SEC16B: variants seen among roughly 807,000 people sequenced by gnomAD.
The protein encoded by SEC16B is SEC16 homolog B, endoplasmic reticulum export factor, also known as protein transport protein Sec16B.
A neutral mutation model predicts 141.8 loss-of-function variants in SEC16B; 115 were observed. The ratio of observed to expected loss-of-function variants is 0.81; its 90% CI spans 0.70 to 0.95. The LOEUF is 0.95. Ranked by LOEUF, SEC16B falls within the 40% of genes least tolerant of loss-of-function variation. The pLI is 0.00. For missense variants in SEC16B, 1,291 were observed against 1,312.3 expected (o/e 0.98, Z 0.25); for synonymous variants, 493 against 492.5 (o/e 1.00, Z -0.01).
chr1:177,958,722 G>T (rs375624132), intron 9 of SEC16B, 118 bp downstream of exon 9: 3 of 1,297,194 alleles, frequency 2.3e-6, no homozygotes, highest in African/African-American at 1.5e-5. Flanking sequence ...TTCCCTTGGG[G>T]CAATTTGTGG....
At position 177,956,910 on chromosome 1, in the gene SEC16B, G is replaced by T. The variant is rs539702385; in HGVS notation, c.1365+1222C>A. On this transcript the variant is annotated intron_variant, in intron 10 of 25. Coordinates refer to ENST00000308284, the MANE Select transcript of SEC16B (RefSeq NM_033127.4). Reference sequence around the variant, plus strand: ...AACATTCTGAGCACATTTGAGGTAGGCTAGGCTAAGTTATGATGTCGGGTT... The same window carrying T: ...AACATTCTGAGCACATTTGAGGTAGTCTAGGCTAAGTTATGATGTCGGGTT... 2.6e-5 allele frequency among the ~76,000 whole-genome samples: 4 copies of T among 152,238 alleles called. No individual in the cohort carries two copies. The South Asian group carries it at 8.3e-4, about 32-fold the overall frequency.
In SEC16B at chr1:177,954,813, C is replaced by G. The variant is rs576526223; in HGVS notation, c.1366-437G>C. On this transcript the variant is annotated intron_variant, in intron 10 of 25. Coordinates refer to ENST00000308284, the MANE Select transcript of SEC16B (RefSeq NM_033127.4). ...TGTTAACTAGCTCCATTTAGCCATT[C>G]CACAGTGTGTGTGTATATATACATA... Among the ~76,000 whole-genome samples, 11 of 152,112 alleles carry G rather than the reference C, an allele frequency of 7.2e-5. No homozygotes were observed. The South Asian group carries it at 2.1e-3, about 29-fold the overall frequency.
chr1:177,948,572 C>A lies in SEC16B; in HGVS notation c.1546-630G>T, dbSNP rs1381593594. The A allele has an allele frequency of 4.6e-6, 6 of 1,304,146 alleles. No individual in the cohort carries two copies. In the Admixed American group the frequency reaches 6.9e-5, roughly 15 times the overall value. The allele number at this position is 1,304,146 out of a possible 1,614,324, so 80.8% of individuals were successfully genotyped here. On this transcript the variant is annotated intron_variant, in intron 12 of 25. Transcript: ENST00000308284. Reference sequence around the variant, plus strand: ...CCAGGGGGCAAAAAAGAGTAAGCAGCGTGGTGGAAATGTACAAAGCCCCGC... The same window carrying A: ...CCAGGGGGCAAAAAAGAGTAAGCAGAGTGGTGGAAATGTACAAAGCCCCGC...
At chr1:177,970,898 T>A (rs887774999), upstream of SEC16B, among the ~76,000 whole-genome samples, 1 of 152,074 alleles carries the variant, frequency 6.6e-6, no homozygotes, top group African/African-American at 2.4e-5. Flanking sequence ...TTGACACACA[T>A]AAATATAAAA....
upstream of SEC16B, among the ~76,000 whole-genome samples, chr1:177,971,054 T>C (rs1557995070): frequency 1.3e-5 from 2 of 151,536 alleles, no homozygotes; most frequent in Non-Finnish European, 2.9e-5. Context: ...CAACTGAGCA[T>C]AGAATTCTCT....
Position 177,960,950 on chromosome 1 carries a change from A to G in SEC16B, c.788-11T>C. On this transcript the variant is annotated splice_polypyrimidine_tract_variant and intron_variant, in intron 6 of 25. Coordinates refer to ENST00000308284, the MANE Select transcript of SEC16B (RefSeq NM_033127.4). Reference sequence around the variant, plus strand: ...CAGCTGAGGAGACATCTTCTGACCAACAGACACAGATGGACATTGTTAGCG... The same window carrying G: ...CAGCTGAGGAGACATCTTCTGACCAGCAGACACAGATGGACATTGTTAGCG... 1 of 1,512,192 alleles carries G rather than the reference A, an allele frequency of 6.6e-7. No individual in the cohort carries two copies. The highest frequency in any genetic ancestry group is 9.1e-7 in the Non-Finnish European group (1 of 1,098,864). The allele number at this position is 1,512,192 out of a possible 1,614,324, so 93.7% of individuals were successfully genotyped here.
In SEC16B at chr1:177,958,342, G is replaced by T. The variant is rs368537918; in HGVS notation, c.1155C>A (p.Ile385=). 2.3e-5 allele frequency: 37 copies of T among 1,600,648 alleles called. No homozygotes were observed. Among genetic ancestry groups the T allele is most frequent in the Non-Finnish European group, 3.2e-5 (37 of 1,173,628 alleles). ...TGCAGTCTTGCATTAGCAGCTCAGC[G>T]ATGTCAGACCCCACCATGGACTGTA... ...RQNGSMVGSD[I]AELLMQDCKK... Residue 385 remains isoleucine (I), a synonymous_variant, in exon 10 of 26, where the codon ATC becomes ATA. Coordinates refer to ENST00000308284, the MANE Select transcript of SEC16B (RefSeq NM_033127.4).
At chr1:177,972,862 T>C (rs1033277241), upstream of SEC16B, among the ~76,000 whole-genome samples, 2 of 152,148 alleles carry the variant, frequency 1.3e-5, no homozygotes, top group African/African-American at 4.8e-5. Flanking sequence ...AGTTCCCTTA[T>C]AAAAAGACAC....
At chr1:177,934,861 A>G (rs1650716546) in intron 20 of SEC16B, among the ~76,000 whole-genome samples, 1 of 152,106 alleles carries the variant, frequency 6.6e-6, no homozygotes, top group Non-Finnish European at 1.5e-5. Context: ...AACACTCACA[A>G]TGATTAACGA....
intron 1 of SEC16B, 96 bp from the exon 2 acceptor site, chr1:177,968,135 C>T (rs552447316): frequency 2.7e-5 from 18 of 654,804 alleles, no homozygotes; most frequent in East Asian, 5.5e-5. Context: ...CTATGGTCCT[C>T]GAAATATATC....
At position 177,932,688 on chromosome 1, in the gene SEC16B, G is replaced by A. The variant is rs757912526; in HGVS notation, c.2932+10C>T. On this transcript the variant is annotated intron_variant, in intron 23 of 25. Coordinates refer to ENST00000308284, the MANE Select transcript of SEC16B (RefSeq NM_033127.4). ...CCACCCATGGCCCAGAGGACGTGAG[G>A]TGACGGTACCTCTGCCCCTGGAGAA... 6 of 1,568,376 alleles carry A rather than the reference G, an allele frequency of 3.8e-6. No individual in the cohort carries two copies. In the South Asian group the frequency reaches 6.1e-5, roughly 16 times the overall value.
intron 11 of SEC16B, among the ~76,000 whole-genome samples, chr1:177,953,083 G>T (rs1356046581): frequency 1.4e-5 from 2 of 146,420 alleles, no homozygotes; most frequent in Admixed American, 7.2e-5. Flanking sequence ...TCTGCTCACT[G>T]CAACCTCCAC....
chr1:177,936,745 C>G (rs1650871868), intron 19 of SEC16B, among the ~76,000 whole-genome samples: 1 of 152,204 alleles, frequency 6.6e-6, no homozygotes, highest in African/African-American at 2.4e-5. Flanking sequence ...TCCCTGGCAT[C>G]ACTCAGCATT....
In SEC16B at chr1:177,936,376, A is replaced by G. The variant is rs1178420064; in HGVS notation, c.2504-11T>C. ...ACACTGTGTTCTCTCCTGCATCACA[A>G]ACAGAAATGGAAATAGCAATTGGAA... On this transcript the variant is annotated splice_polypyrimidine_tract_variant and intron_variant, in intron 19 of 25. Transcript: ENST00000308284. 1 of 1,603,000 alleles carries G rather than the reference A, an allele frequency of 6.2e-7. No homozygotes were observed.
intron 1 of SEC16B, among the ~76,000 whole-genome samples, chr1:177,981,370 T>C (rs1257851491): frequency 3.3e-5 from 5 of 152,068 alleles, no homozygotes; most frequent in Admixed American, 1.3e-4. Context: ...AGTCAGCACA[T>C]GTCCAGAGAC....
chr1:177,981,596 C>T (rs1269201596), intron 1 of SEC16B, among the ~76,000 whole-genome samples: 1 of 152,156 alleles, frequency 6.6e-6, no homozygotes, highest in East Asian at 1.9e-4. Context: ...TTCTATTTCT[C>T]AGGTTTTCAC....
At chr1:177,962,177 G>T (rs558580716) in intron 5 of SEC16B, among the ~76,000 whole-genome samples, 1 of 152,160 alleles carries the variant, frequency 6.6e-6, no homozygotes, top group African/African-American at 2.4e-5. Flanking sequence ...GGGTTCAAGC[G>T]ATTCTTCTGC....
chr1:177,943,287 A>C (rs1651419913), intron 15 of SEC16B, among the ~76,000 whole-genome samples: 1 of 152,238 alleles, frequency 6.6e-6, no homozygotes, highest in Non-Finnish European at 1.5e-5. Context: ...GCCCTTAAAA[A>C]AGAGAAGATG....
At chr1:177,930,388 AT>A (rs1650328157) in intron 25 of SEC16B, among the ~76,000 whole-genome samples, 156 bp downstream of exon 25, 1 of 152,190 alleles carries the variant, frequency 6.6e-6, no homozygotes, top group African/African-American at 2.4e-5. Context: ...GCTACTACTA[AT>A]CCCACTTTAC....
Sources: allele counts gnomAD v4.1 joint callset (sites outside exome capture counted in the v4.1 genomes callset), GRCh38; gene constraint gnomAD v4.1.1; transcripts MANE v1.5; gene names NCBI Gene and HGNC (gene_info 2026-07-23, HGNC 2026-07-21).